Variants in MS4A8 observed in about 807,000 individuals in gnomAD.
MS4A8 encodes membrane spanning 4-domains A8.
Under a neutral mutation model 23.7 loss-of-function variants are expected in MS4A8, and 27 were observed. The observed-to-expected ratio is 1.14, with a 90% confidence interval of 0.84 to 1.57. The LOEUF (loss-of-function observed/expected upper bound fraction) is 1.57, where lower values mean the gene tolerates loss of function less well. MS4A8 is among the 40% of genes most tolerant of loss of function. MS4A8 has a pLI of 0.00. For synonymous variants in MS4A8, 138 were observed against 126.3 expected, an observed-to-expected ratio of 1.09 and a Z score of -0.62; for missense variants, 301 against 311.4, an observed-to-expected ratio of 0.97 and a Z score of 0.25.
Position 60,700,961 on chromosome 11 carries a change from C to A in MS4A8, c.101C>A (p.Pro34His). Reference sequence around the variant, plus strand: ...ACCCCAGGAATTATGTCTCACGTGCCCCTGTATCCAAACAGCCAGCCGCAA... The same window carrying A: ...ACCCCAGGAATTATGTCTCACGTGCACCTGTATCCAAACAGCCAGCCGCAA... Reference protein sequence around the residue: ...PVTPGIMSHVPLYPNSQPQVH... With the variant: ...PVTPGIMSHVHLYPNSQPQVH... Residue 34 changes from proline (P) to histidine (H), a missense_variant, in exon 2 of 7, where the codon CCC becomes CAC. Transcript: ENST00000300226. The A allele has an allele frequency of 1.2e-6, 2 of 1,614,168 alleles. No homozygotes were observed. Among genetic ancestry groups the A allele is most frequent in the Non-Finnish European group, 1.7e-6 (2 of 1,180,040 alleles).
In MS4A8 at chr11:60,715,804, G is replaced by T; in HGVS notation, c.*390G>T. ...CATTCATTTAATAAATAGATACTGA[G>T]CATTCAATGTGTTCAAGGCTCTCTT... On this transcript the variant is annotated 3_prime_UTR_variant, in exon 7 of 7. Coordinates refer to ENST00000300226, the MANE Select transcript of MS4A8 (RefSeq NM_031457.2). The T allele has an allele frequency of 4.0e-6, 1 of 252,606 alleles. No homozygotes were observed. Among genetic ancestry groups the T allele is most frequent in the South Asian group, 5.1e-5 (1 of 19,790 alleles). 15.6% of individuals were successfully genotyped at this position (252,606 alleles called of 1,614,324 possible). A position where few individuals can be genotyped will look rare whatever the true frequency, so the allele number is the denominator to read the frequency against.
intron 5 of MS4A8, chr11:60,711,917 T>C (rs2134661908): frequency 2.2e-6 from 1 of 454,724 alleles, no homozygotes; most frequent in South Asian, 1.6e-5. Context: ...CATCTGAACA[T>C]GGAGGGTCGG....
chr11:60,707,812 C>CT (rs5792195), intron 4 of MS4A8, among the ~76,000 whole-genome samples: 2,010 of 54,606 alleles, frequency 0.037, 5 homozygotes, highest in Non-Finnish European at 0.043. Context: ...TTTTCTTTTT[C>CT]TTTTTTTTTT....
In MS4A8 at chr11:60,701,081, TA is replaced by T. The variant is rs1380909166; in HGVS notation, c.219+4del. 1 of 1,613,354 alleles carries T rather than the reference TA, an allele frequency of 6.2e-7. No individual in the cohort carries two copies. Among genetic ancestry groups the T allele is most frequent in the East Asian group, 2.2e-5 (1 of 44,860 alleles). On this transcript the variant is annotated splice_donor_region_variant and intron_variant, in intron 2 of 6. Coordinates refer to ENST00000300226, the MANE Select transcript of MS4A8 (RefSeq NM_031457.2). ...CTGAAAGAAGGCAAAACCTTGGGGG[TA>T]AGTGAGATTTCCCTTTGCAGGCCAC... is the stretch of plus-strand genomic sequence containing the variant.
intron 5 of MS4A8, among the ~76,000 whole-genome samples, chr11:60,709,927 A>G (rs1371370224): frequency 2.0e-5 from 3 of 152,182 alleles, no homozygotes; most frequent in African/African-American, 4.8e-5. Flanking sequence ...AATTGTCTAC[A>G]CTTTAGTGAG....
rs745512206 is a variant in MS4A8, at chr11:60,715,084, T to A, written c.598T>A (p.Cys200Ser). The A allele has an allele frequency of 1.9e-5, 30 of 1,614,174 alleles. No individual in the cohort carries two copies. The highest frequency in any genetic ancestry group is 2.5e-5 in the Non-Finnish European group (29 of 1,180,038). Residue 200 changes from cysteine (C) to serine (S), a missense_variant, in exon 6 of 7, where the codon TGC (cysteine) becomes AGC (serine). Coordinates refer to ENST00000300226, the MANE Select transcript of MS4A8 (RefSeq NM_031457.2). ...VFCLLEFGIA[C>S]ASSHFGCQLV... The stretch of plus-strand genomic sequence containing the variant: ...CTGCCTCCTGGAGTTTGGCATCGCA[T>A]GCGCATCTTCCCACTTTGGCTGCCA...
intron 5 of MS4A8, among the ~76,000 whole-genome samples, chr11:60,713,823 G>A (rs996429126): frequency 1.3e-5 from 2 of 151,890 alleles, no homozygotes; most frequent in African/African-American, 4.8e-5. Flanking sequence ...TTCCTAGGCA[G>A]AGGTCTCTGT....
chr11:60,701,456 C>T, intron 2 of MS4A8: 1 of 378,774 alleles, frequency 2.6e-6, no homozygotes, highest in East Asian at 7.1e-5. Context: ...AATATTTGCC[C>T]AACAGGAAAC....
At chr11:60,701,354 C>CCA (rs1430387801) in intron 2 of MS4A8, 1 of 558,728 alleles carries the variant, frequency 1.8e-6, no homozygotes, top group Admixed American at 2.2e-5. Context: ...TTGCCAGGAT[C>CCA]CACGCCCAGC....
Position 60,708,761 on chromosome 11 carries a change from T to A in MS4A8, c.514T>A (p.Tyr172Asn), listed in dbSNP as rs1244303528. The A allele has an allele frequency of 6.2e-7, 1 of 1,614,040 alleles. No individual in the cohort carries two copies. The highest frequency in any genetic ancestry group is 8.5e-7 in the Non-Finnish European group (1 of 1,179,940). The change falls in exon 5 of 7, where the codon TAT (tyrosine) becomes AAT (asparagine). Residue 172 changes from tyrosine (Y) to asparagine (N), a missense_variant. By Grantham distance (143) the Tyr-to-Asn change is moderately radical (BLOSUM62 -2). Coordinates refer to ENST00000300226, the MANE Select transcript of MS4A8 (RefSeq NM_031457.2). ...IPHPYAYPDY[Y>N]PYAWGVNPGM... is the part of the protein sequence containing the mutation. Reference sequence around the variant, plus strand: ...CCACCCATATGCCTACCCCGACTATTATCCTTACGCCTGGGGTGTGGTGAG... The same window carrying A: ...CCACCCATATGCCTACCCCGACTATAATCCTTACGCCTGGGGTGTGGTGAG...
At chr11:60,710,421 A>C (rs1463016893) in intron 5 of MS4A8, among the ~76,000 whole-genome samples, 1 of 152,110 alleles carries the variant, frequency 6.6e-6, no homozygotes, top group Non-Finnish European at 1.5e-5. Context: ...GTTGCTCGGG[A>C]CAAAACCTTG....
chr11:60,707,309 CGAGAGAGA>C lies in MS4A8; in HGVS notation c.402+279_402+286del, dbSNP rs112128181. Among the ~76,000 whole-genome samples, 83 of 147,656 alleles carry C rather than the reference CGAGAGAGA, an allele frequency of 5.6e-4. 2 individuals are homozygous for C. The East Asian group carries it at 0.014, about 24-fold the overall frequency. ...AGTTAAGGCATCAGAGTATGGAGAG[CGAGAGAGA>C]GAGAGAGAGAGAGAGATAACAGCTT... On this transcript the variant is annotated intron_variant, in intron 4 of 6. Coordinates refer to ENST00000300226, the MANE Select transcript of MS4A8 (RefSeq NM_031457.2).
At chr11:60,709,554 G>T (rs2088284252) in intron 5 of MS4A8, among the ~76,000 whole-genome samples, 1 of 152,194 alleles carries the variant, frequency 6.6e-6, no homozygotes, top group Non-Finnish European at 1.5e-5. Flanking sequence ...TATATTTTGT[G>T]CTATGGCACA....
intron 4 of MS4A8, among the ~76,000 whole-genome samples, chr11:60,707,332 G>T (rs1229192650): frequency 2.0e-5 from 3 of 152,100 alleles, no homozygotes; most frequent in Non-Finnish European, 1.5e-5. Context: ...GAGAGAGAGA[G>T]ATAACAGCTT....
intron 5 of MS4A8, chr11:60,712,433 G>A: frequency 2.0e-6 from 2 of 985,294 alleles, no homozygotes; most frequent in Non-Finnish European, 2.4e-6. Context: ...CTAAGGAGAG[G>A]CCTCTCCAGA....
chr11:60,715,188 C>G lies in MS4A8; in HGVS notation c.648+54C>G, dbSNP rs1215550082. The G allele has an allele frequency of 6.6e-6, 10 of 1,515,528 alleles. No homozygotes were observed. The African/African-American group carries it at 9.6e-5, about 15-fold the overall frequency. 93.9% of individuals were successfully genotyped at this position (1,515,528 alleles called of 1,614,324 possible). A position where few individuals can be genotyped will look rare whatever the true frequency, so the allele number is the denominator to read the frequency against. On this transcript the variant is annotated intron_variant, in intron 6 of 6. Transcript: ENST00000300226. ...AAAGATGCCCCCAAAAAGGTGGAGA[C>G]AAGGGAGCTCTTTGTGCTTTCCACT...
rs756068264 is a variant in MS4A8, at chr11:60,708,660, G to A, written c.413G>A (p.Ser138Asn). ...CTGTGTCTTCTTCAGCTGTCTGGCA[G>A]TTTGGGCTTGAACATCGTCAGTGCA... ...QPYSYCLLSG[S>N]LGLNIVSAIC... The change falls in exon 5 of 7, where the codon AGT becomes AAT. Residue 138 changes from serine to asparagine, a missense_variant. Coordinates refer to ENST00000300226, the MANE Select transcript of MS4A8 (RefSeq NM_031457.2). The A allele has an allele frequency of 6.5e-7, 1 of 1,539,388 alleles. No individual in the cohort carries two copies. Among genetic ancestry groups the A allele is most frequent in the Non-Finnish European group, 8.7e-7 (1 of 1,145,382 alleles).
intron 2 of MS4A8, among the ~76,000 whole-genome samples, chr11:60,702,587 A>G (rs1315301658): frequency 6.6e-6 from 1 of 152,122 alleles, no homozygotes; most frequent in East Asian, 1.9e-4. Context: ...ATTTTTGTAG[A>G]GACAGGGTTT....
At chr11:60,703,627 A>G (rs1209180966) in intron 3 of MS4A8, 127 bp downstream of exon 3, 1 of 1,135,850 alleles carries the variant, frequency 8.8e-7, no homozygotes, top group East Asian at 2.7e-5. Context: ...GGGGATAGGA[A>G]ACCAGCCAGC....
Sources: allele counts gnomAD v4.1 joint callset (sites outside exome capture counted in the v4.1 genomes callset), GRCh38; gene constraint gnomAD v4.1.1; transcripts MANE v1.5; gene names NCBI Gene and HGNC (gene_info 2026-07-23, HGNC 2026-07-21).